The following SLC8A1 variants were observed in gnomAD, a reference collection of about 807,000 sequenced individuals.
SLC8A1 encodes the protein solute carrier family 8 member A1, also known as sodium/calcium exchanger 1.
SLC8A1 carries 18 observed loss-of-function variants against 68.3 expected under a neutral mutation model. That is an observed-to-expected ratio of 0.26 (90% confidence interval 0.18 to 0.39). The LOEUF (loss-of-function observed/expected upper bound fraction) is 0.39, where lower values mean the gene tolerates loss of function less well. Among genes scored for constraint, SLC8A1 ranks in the 10% least tolerant of loss-of-function variants. The pLI, the probability that SLC8A1 is intolerant of heterozygous loss-of-function variation, is 1.00. For missense variants in SLC8A1, 985 were observed against 1,156.7 expected (o/e 0.85, Z 2.15); for synonymous variants, 475 against 415.5 (o/e 1.14, Z -1.74).
At chr2:40,342,217 G>T (rs983169264) in intron 2 of SLC8A1, among the ~76,000 whole-genome samples, 1 of 152,014 alleles carries the variant, frequency 6.6e-6, no homozygotes, top group Non-Finnish European at 1.5e-5. Context: ...TTAACTACTC[G>T]TATCTAACAC....
chr2:40,332,442 G>GA (rs1224597286), intron 2 of SLC8A1, among the ~76,000 whole-genome samples: 1 of 149,306 alleles, frequency 6.7e-6, no homozygotes, highest in Non-Finnish European at 1.5e-5. Context: ...CGGGGGCGGG[G>GA]GGCGGTGTTT....
intron 3 of SLC8A1, among the ~76,000 whole-genome samples, chr2:40,175,798 G>T (rs990938124): frequency 3.3e-5 from 5 of 152,042 alleles, no homozygotes; most frequent in African/African-American, 9.7e-5. Context: ...TCCATTTTGG[G>T]TTCCCTGCCT....
intron 7 of SLC8A1, among the ~76,000 whole-genome samples, chr2:40,131,306 A>C (rs1337453514): frequency 1.3e-5 from 2 of 152,172 alleles, no homozygotes; most frequent in Non-Finnish European, 2.9e-5. Context: ...TTGTGCTAAG[A>C]CTTTGCATAA....
intron 2 of SLC8A1, among the ~76,000 whole-genome samples, chr2:40,350,363 C>A (rs987820779): frequency 6.6e-6 from 1 of 151,790 alleles, no homozygotes; most frequent in Non-Finnish European, 1.5e-5. Flanking sequence ...GGCCTGTAGT[C>A]CCAGCTACTC....
At chr2:40,384,370 T>C (rs1325509573) in intron 2 of SLC8A1, among the ~76,000 whole-genome samples, 11 of 152,136 alleles carry the variant, frequency 7.2e-5, no homozygotes, top group Non-Finnish European at 1.0e-4. Flanking sequence ...CAGTCTTTTG[T>C]AGATTGTTGA....
At chr2:40,140,791 A>C (rs1345892574) in intron 6 of SLC8A1, among the ~76,000 whole-genome samples, 2 of 152,058 alleles carry the variant, frequency 1.3e-5, no homozygotes, top group African/African-American at 4.8e-5. Flanking sequence ...GAAGGAGTGC[A>C]TGCAGAAATT....
chr2:40,173,555 T>C (rs74551431), intron 4 of SLC8A1, among the ~76,000 whole-genome samples: 4,604 of 152,348 alleles, frequency 0.03, 90 homozygotes, highest in South Asian at 0.068. Context: ...ACTGCACATA[T>C]TTAGAAAATT....
At chr2:40,134,161 G>A (rs1040553938) in intron 7 of SLC8A1, among the ~76,000 whole-genome samples, 3 of 151,404 alleles carry the variant, frequency 2.0e-5, no homozygotes, top group Non-Finnish European at 2.9e-5. Flanking sequence ...GTGCAATCTC[G>A]GCTCACTGCA....
In SLC8A1 at chr2:40,488,146, T is replaced by G. The variant is rs542675530; in HGVS notation, c.-25+24203A>C. ...ACAGAATACTAAAAGTCTTTGTCCA[T>G]GTGTGAAATTTCACAAGATGAGATA... On this transcript the variant is annotated intron_variant, in intron 1 of 7. Coordinates refer to the SLC8A1 transcript ENST00000402441. Among the ~76,000 whole-genome samples the G allele has an allele frequency of 8.6e-5, 13 of 151,764 alleles. No individual in the cohort carries two copies. In the South Asian group the frequency reaches 2.7e-3, roughly 31 times the overall value.
At chr2:40,175,991 T>C (rs1177948293) in intron 3 of SLC8A1, 2 of 448,256 alleles carry the variant, frequency 4.5e-6, no homozygotes, top group Admixed American at 2.4e-5. Flanking sequence ...ATCCTTCTAG[T>C]GGACATATCA....
At chr2:40,508,848 T>C (rs1037164657) in intron 1 of SLC8A1, among the ~76,000 whole-genome samples, 2 of 152,188 alleles carry the variant, frequency 1.3e-5, no homozygotes, top group Non-Finnish European at 2.9e-5. Flanking sequence ...ATTCTTAATC[T>C]TGGTTTCACA....
rs2059429743 is a variant in SLC8A1, at chr2:40,229,811, CAGTT to C, written c.1809-51960_1809-51957del. 8.5e-5 allele frequency among the ~76,000 whole-genome samples: 13 copies of C among 152,220 alleles called. No homozygotes were observed. In the South Asian group the frequency reaches 2.5e-3, roughly 29 times the overall value. ...ATTGTGTGCTTGGTTCTTTAAAAAA[CAGTT>C]ATGCACATGTAAAAAAAGTATTAGG... On this transcript the variant is annotated intron_variant, in intron 2 of 7. Coordinates refer to ENST00000406785, the Ensembl canonical transcript of SLC8A1.
At chr2:40,184,239 G>A (rs2050196786) in intron 2 of SLC8A1, among the ~76,000 whole-genome samples, 1 of 152,074 alleles carries the variant, frequency 6.6e-6, no homozygotes, top group Admixed American at 6.5e-5. Context: ...CTTCTAATAT[G>A]CAGCCAGGGC....
intron 7 of SLC8A1, among the ~76,000 whole-genome samples, chr2:40,129,856 C>G (rs1317200008): frequency 1.3e-5 from 2 of 152,180 alleles, no homozygotes; most frequent in African/African-American, 2.4e-5. Context: ...TTTTAGCTCT[C>G]TTCTCTTACA....
chr2:40,325,688 C>G (rs544601931), intron 2 of SLC8A1, among the ~76,000 whole-genome samples: 9 of 146,102 alleles, frequency 6.2e-5, no homozygotes, highest in Non-Finnish European at 1.3e-4. Flanking sequence ...AATCTCAGCA[C>G]TTTGGGAGGC....
intron 2 of SLC8A1, among the ~76,000 whole-genome samples, chr2:40,347,245 C>A (rs951349207): frequency 6.6e-6 from 1 of 152,212 alleles, no homozygotes; most frequent in African/African-American, 2.4e-5. Context: ...AACGATCGTT[C>A]CAACCTTGGC....
At chr2:40,321,118 T>C (rs932293226) in intron 2 of SLC8A1, among the ~76,000 whole-genome samples, 1 of 152,176 alleles carries the variant, frequency 6.6e-6, no homozygotes, top group African/African-American at 2.4e-5. Flanking sequence ...TGCCAATGAA[T>C]CAATTTCCTC....
intron 2 of SLC8A1, among the ~76,000 whole-genome samples, chr2:40,362,412 A>G (rs1423437664): frequency 2.0e-5 from 3 of 152,172 alleles, no homozygotes; most frequent in Admixed American, 6.5e-5. Flanking sequence ...TAAAGTAGGA[A>G]TAACACTTGC....
chr2:40,428,958 A>G (rs762932571), exon 2 of SLC8A1: 1 of 1,613,894 alleles, frequency 6.2e-7, no homozygotes, highest in Admixed American at 1.7e-5. Context: ...TGAAGTCAAC[A>G]AACACAGTGT....
Sources: allele counts gnomAD v4.1 joint callset (sites outside exome capture counted in the v4.1 genomes callset), GRCh38; gene constraint gnomAD v4.1.1; transcripts MANE v1.5; gene names NCBI Gene and HGNC (gene_info 2026-07-23, HGNC 2026-07-21).